Variants in FAT3 observed in about 807,000 individuals in gnomAD.
The protein encoded by FAT3 is protocadherin Fat 3.
In FAT3, 95 loss-of-function variants were observed where a neutral mutation model predicts 310.2. The observed-to-expected ratio is 0.31, with a 90% CI of 0.26 to 0.36. FAT3 has a LOEUF of 0.36. FAT3 is among the 10% of genes least tolerant of loss of function. The pLI, the probability that FAT3 is intolerant of heterozygous loss-of-function variation, is 1.00. For missense variants in FAT3, 5,408 were observed against 5,715.6 expected (o/e 0.95, Z 1.74); for synonymous variants, 2,314 against 2,192.9 (o/e 1.06, Z -1.54).
At chr11:92,236,360 A>G (rs1175728395) in intron 1 of FAT3, among the ~76,000 whole-genome samples, 1 of 152,210 alleles carries the variant, frequency 6.6e-6, no homozygotes. Context: ...TAAAAATGCA[A>G]GTCTTGTAAA....
intron 3 of FAT3, among the ~76,000 whole-genome samples, chr11:92,686,057 G>T: frequency 6.6e-6 from 1 of 152,136 alleles, no homozygotes; most frequent in East Asian, 1.9e-4. Context: ...GGAAGAAACT[G>T]AGGTGCACAT....
At chr11:92,467,051 G>A (rs1447871368) in intron 2 of FAT3, among the ~76,000 whole-genome samples, 1 of 152,086 alleles carries the variant, frequency 6.6e-6, no homozygotes, top group African/African-American at 2.4e-5. Context: ...ACGTGTGCAT[G>A]TGTCTTTATA....
chr11:92,260,679 G>T (rs751233100), intron 1 of FAT3, among the ~76,000 whole-genome samples: 3 of 152,102 alleles, frequency 2.0e-5, no homozygotes, highest in Non-Finnish European at 4.4e-5. Context: ...GTAACAAATA[G>T]ATTGTAAAGT....
At chr11:92,426,416 T>C (rs1950635167) in intron 2 of FAT3, among the ~76,000 whole-genome samples, 1 of 152,184 alleles carries the variant, frequency 6.6e-6, no homozygotes, top group Admixed American at 6.5e-5. Context: ...TTTGTTGCAA[T>C]TGTTTTTGGT....
chr11:92,531,989 G>A (rs934422954), intron 3 of FAT3, among the ~76,000 whole-genome samples: 1 of 152,040 alleles, frequency 6.6e-6, no homozygotes, highest in Non-Finnish European at 1.5e-5. Context: ...TTCTAGGGAT[G>A]GGAGGAACTG....
rs180850517 is a variant in FAT3 at position 92,523,089 on chromosome 11, C to T, written c.3293-1545C>T. On this transcript the variant is annotated intron_variant, in intron 2 of 27. Coordinates refer to ENST00000525166, the MANE Select transcript of FAT3 (RefSeq NM_001367949.2). ...GTCATCCTGGTGGTCTTATAGATGG[C>T]AGTGTCAACCCAGTTTATAAAGCTG... 3.9e-4 allele frequency among the ~76,000 whole-genome samples: 60 copies of T among 152,250 alleles called. No individual in the cohort carries two copies. In the East Asian group the frequency reaches 4.2e-3, roughly 11 times the overall value.
At chr11:92,694,011 TC>T (rs1943868643) in intron 3 of FAT3, among the ~76,000 whole-genome samples, 1 of 152,218 alleles carries the variant, frequency 6.6e-6, no homozygotes, top group Non-Finnish European at 1.5e-5. Flanking sequence ...AACCTTAAAG[TC>T]AGGGTTTATG....
intron 1 of FAT3, among the ~76,000 whole-genome samples, chr11:92,308,959 G>T (rs1338080804): frequency 6.6e-6 from 1 of 152,032 alleles, no homozygotes; most frequent in African/African-American, 2.4e-5. Flanking sequence ...GCCAAGTATG[G>T]TGTTAATTGG....
At chr11:92,495,752 A>G (rs1952734883) in intron 2 of FAT3, among the ~76,000 whole-genome samples, 1 of 152,084 alleles carries the variant, frequency 6.6e-6, no homozygotes, top group Non-Finnish European at 1.5e-5. Context: ...GAGACATAAC[A>G]TCCAAAACAA....
chr11:92,866,827 G>C lies in FAT3; in HGVS notation c.11745G>C (p.Gly3915=), dbSNP rs774488479. ...LGISGRAVND[G]SWHSVFLELN... ...TCTCGGGCCGTGCTGTCAACGACGG[G>C]AGCTGGCACTCGGTCTTCCTGGAGC... The change falls in exon 22 of 28, where the codon GGG becomes GGC. Residue 3915 remains glycine, a synonymous_variant. Transcript: ENST00000525166. The C allele has an allele frequency of 1.9e-6, 3 of 1,613,958 alleles. No individual in the cohort carries two copies. In the South Asian group the frequency reaches 3.3e-5, roughly 18 times the overall value.
At chr11:92,747,276 A>G (rs774214705) in intron 4 of FAT3, among the ~76,000 whole-genome samples, 3 of 152,246 alleles carry the variant, frequency 2.0e-5, no homozygotes, top group Admixed American at 6.5e-5. Context: ...CACAGGCCCA[A>G]CACCACATAT....
rs747739412 is a variant in FAT3, at chr11:92,352,089, C to T, written c.-17-7C>T. 9 of 1,254,596 alleles carry T rather than the reference C, an allele frequency of 7.2e-6. No individual in the cohort carries two copies. In the African/African-American group the frequency reaches 1.2e-4, roughly 17 times the overall value. The allele number at this position is 1,254,596 out of a possible 1,614,324, so 77.7% of individuals were successfully genotyped here. ...TTATCTTTTCTCTCTCTCTTTCTTC[C>T]CTCCAGGATGGAAGTATGATGTGAT... On this transcript the variant is annotated splice_region_variant and splice_polypyrimidine_tract_variant and intron_variant, in intron 1 of 27. Transcript: ENST00000525166.
At chr11:92,814,948 G>A (rs952821449) in intron 13 of FAT3, among the ~76,000 whole-genome samples, 1 of 152,200 alleles carries the variant, frequency 6.6e-6, no homozygotes, top group Non-Finnish European at 1.5e-5. Flanking sequence ...CAGGAAGATA[G>A]GAGCCAGGAA....
intron 2 of FAT3, among the ~76,000 whole-genome samples, chr11:92,408,906 A>G (rs2134906046): frequency 6.6e-6 from 1 of 152,318 alleles, no homozygotes; most frequent in Non-Finnish European, 1.5e-5. Context: ...GGATTAGGTG[A>G]AGGGCTTGCT....
chr11:92,554,590 A>G (rs866336401), intron 3 of FAT3, among the ~76,000 whole-genome samples: 1 of 151,734 alleles, frequency 6.6e-6, no homozygotes. Context: ...GGCTTAGTGC[A>G]TGAGATCAAT....
chr11:92,832,778 T>G (rs776233065), intron 14 of FAT3, among the ~76,000 whole-genome samples: 1 of 152,194 alleles, frequency 6.6e-6, no homozygotes, highest in Non-Finnish European at 1.5e-5. Context: ...TGTGCAACTG[T>G]CCACACTTGG....
chr11:92,310,128 G>C (rs1268620840), intron 1 of FAT3, among the ~76,000 whole-genome samples: 1 of 152,172 alleles, frequency 6.6e-6, no homozygotes, highest in Non-Finnish European at 1.5e-5. Flanking sequence ...AAGAAATGTA[G>C]TGTATGTGTA....
chr11:92,445,749 T>TGCAGGGGA (rs1241555739), intron 2 of FAT3, among the ~76,000 whole-genome samples: 1 of 151,802 alleles, frequency 6.6e-6, no homozygotes, highest in Non-Finnish European at 1.5e-5. Flanking sequence ...TTTGGGGGGG[T>TGCAGGGGA]GCAGGGGAGC....
chr11:92,552,437 T>TA (rs1214749523), intron 3 of FAT3, among the ~76,000 whole-genome samples: 1 of 152,140 alleles, frequency 6.6e-6, no homozygotes, highest in Non-Finnish European at 1.5e-5. Flanking sequence ...TTCAAAATCT[T>TA]ATAGAGAAAG....
Sources: allele counts gnomAD v4.1 joint callset (sites outside exome capture counted in the v4.1 genomes callset), GRCh38; gene constraint gnomAD v4.1.1; transcripts MANE v1.5; gene names NCBI Gene and HGNC (gene_info 2026-07-23, HGNC 2026-07-21).